MSL2: variants seen among roughly 807,000 people sequenced by gnomAD.
The protein encoded by MSL2 is MSL complex subunit 2, also known as E3 ubiquitin-protein ligase MSL2.
A neutral mutation model predicts 35.8 loss-of-function variants in MSL2; 2 were observed. The observed-to-expected ratio is 0.06, with a 90% confidence interval of 0.02 to 0.18. MSL2 has a LOEUF of 0.18. Ranked by LOEUF, MSL2 falls within the 10% of genes least tolerant of loss-of-function variation. MSL2 has a pLI of 1.00. For synonymous variants in MSL2, 296 were observed against 255.7 expected (o/e 1.16, Z -1.50); for missense variants, 523 against 706.7 (o/e 0.74, Z 2.95).
intron 1 of MSL2, among the ~76,000 whole-genome samples, chr3:136,187,765 C>T (rs892476973): frequency 6.6e-6 from 1 of 151,840 alleles, no homozygotes; most frequent in Non-Finnish European, 1.5e-5. Context: ...TTTTCAAATG[C>T]TTATAACACT....
chr3:136,190,213 C>T (rs1940647721), intron 1 of MSL2, among the ~76,000 whole-genome samples: 1 of 152,146 alleles, frequency 6.6e-6, no homozygotes, highest in Admixed American at 6.6e-5. Context: ...TATATATGGG[C>T]CTGTGCCATG....
rs368281702 is a variant in MSL2 at position 136,168,425 on chromosome 3, G to C, written c.143-15687C>G. Among the ~76,000 whole-genome samples the C allele has an allele frequency of 3.3e-5, 5 of 152,182 alleles. No homozygotes were observed. The East Asian group carries it at 7.7e-4, about 23-fold the overall frequency. Reference sequence around the variant, plus strand: ...GCACACATAAACCATGGAATACTACGCAGCCATAAAAAACGATGAGTTCAT... The same window carrying C: ...GCACACATAAACCATGGAATACTACCCAGCCATAAAAAACGATGAGTTCAT... On this transcript the variant is annotated intron_variant, in intron 1 of 1. Coordinates refer to ENST00000309993, the MANE Select transcript of MSL2 (RefSeq NM_018133.4).
intron 1 of MSL2, among the ~76,000 whole-genome samples, chr3:136,179,541 A>C (rs1403975278): frequency 6.6e-6 from 1 of 152,212 alleles, no homozygotes; most frequent in Non-Finnish European, 1.5e-5. Context: ...GGAATCACTA[A>C]AAATACTTTT....
chr3:136,172,180 T>A (rs1195593997), intron 1 of MSL2, among the ~76,000 whole-genome samples: 2 of 152,210 alleles, frequency 1.3e-5, no homozygotes, highest in Non-Finnish European at 2.9e-5. Flanking sequence ...TCTACTTATG[T>A]CAATTTTTTC....
At chr3:136,185,368 C>T (rs968679228) in intron 1 of MSL2, among the ~76,000 whole-genome samples, 16 of 151,518 alleles carry the variant, frequency 1.1e-4, no homozygotes, top group African/African-American at 3.9e-4. Flanking sequence ...CCAACAACCT[C>T]ATCTTACAAA....
chr3:136,192,797 G>A (rs560105232), intron 1 of MSL2, among the ~76,000 whole-genome samples: 1 of 152,234 alleles, frequency 6.6e-6, no homozygotes, highest in South Asian at 2.1e-4. Flanking sequence ...CATGAAATAA[G>A]ACTGCCCATC....
chr3:136,158,039 C>T lies in MSL2; in HGVS notation c.143-5301G>A, dbSNP rs188192726. On this transcript the variant is annotated intron_variant, in intron 1 of 1. Coordinates refer to ENST00000309993, the MANE Select transcript of MSL2 (RefSeq NM_018133.4). ...AAAAGAAAATACAAACCGCCGGGAGCAGTGGCTCACGCCTGTAATCCCAAC... is the reference window on the plus strand; with the variant it reads ...AAAAGAAAATACAAACCGCCGGGAGTAGTGGCTCACGCCTGTAATCCCAAC... 2.5e-4 allele frequency among the ~76,000 whole-genome samples: 38 copies of T among 152,320 alleles called. No individual in the cohort carries two copies. In the East Asian group the frequency reaches 6.8e-3, roughly 27 times the overall value.
intron 1 of MSL2, among the ~76,000 whole-genome samples, chr3:136,161,793 T>TG (rs1440710994): frequency 6.6e-6 from 1 of 151,978 alleles, no homozygotes; most frequent in Non-Finnish European, 1.5e-5. Flanking sequence ...ACTCTAAAAT[T>TG]TAAAAATAAC....
chr3:136,193,939 T>C (rs2108101482), intron 1 of MSL2, among the ~76,000 whole-genome samples: 1 of 152,352 alleles, frequency 6.6e-6, no homozygotes, highest in Middle Eastern at 3.4e-3. Flanking sequence ...GAATGCTGGA[T>C]AAACCTCAAA....
intron 1 of MSL2, among the ~76,000 whole-genome samples, chr3:136,170,769 C>T (rs993646225): frequency 6.6e-6 from 1 of 152,078 alleles, no homozygotes; most frequent in Non-Finnish European, 1.5e-5. Context: ...TCCCAAAGTG[C>T]TGGGATTACA....
Position 136,195,357 on chromosome 3 carries a change from G to A in MSL2, c.-244C>T, listed in dbSNP as rs1940805577. ...CCAAAAATATGAGAGAGAAACCAGC[G>A]TTCGAGTTCGTCCGGAGCGACCACA... On this transcript the variant is annotated 5_prime_UTR_variant, in exon 1 of 2. In the 5' UTR this introduces an upstream ATG that the reference lacks. Transcript: ENST00000309993. 1.6e-6 allele frequency: 2 copies of A among 1,266,098 alleles called. No homozygotes were observed. The highest frequency in any genetic ancestry group is 2.0e-6 in the Non-Finnish European group (2 of 1,004,500). The allele number at this position is 1,266,098 out of a possible 1,614,324, so 78.4% of individuals were successfully genotyped here.
At chr3:136,187,510 T>C (rs967601347) in intron 1 of MSL2, among the ~76,000 whole-genome samples, 2 of 150,792 alleles carry the variant, frequency 1.3e-5, no homozygotes, top group African/African-American at 4.9e-5. Context: ...TAAAAATACA[T>C]GAAAAAAAAA....
intron 1 of MSL2, among the ~76,000 whole-genome samples, chr3:136,156,351 G>C (rs556507531): frequency 6.6e-6 from 1 of 152,268 alleles, no homozygotes; most frequent in East Asian, 1.9e-4. Context: ...GAAGCAAATG[G>C]GAGAGGGAGG....
chr3:136,192,391 C>T (rs944746544), intron 1 of MSL2, among the ~76,000 whole-genome samples: 3 of 152,056 alleles, frequency 2.0e-5, no homozygotes, highest in African/African-American at 7.2e-5. Context: ...GTTGGCCAGG[C>T]TGGTCTCCAA....
intron 1 of MSL2, among the ~76,000 whole-genome samples, chr3:136,184,188 C>T (rs965878885): frequency 5.1e-4 from 77 of 151,952 alleles, no homozygotes; most frequent in Non-Finnish European, 3.2e-4. Context: ...CCCAGCTACT[C>T]GGGAGGCTGA....
intron 1 of MSL2, among the ~76,000 whole-genome samples, chr3:136,158,317 A>G (rs1559958672): frequency 6.6e-6 from 1 of 151,246 alleles, no homozygotes; most frequent in Non-Finnish European, 1.5e-5. Context: ...AAAAATTAAA[A>G]TTAAAAAAAA....
At chr3:136,158,992 A>G (rs950301993) in intron 1 of MSL2, among the ~76,000 whole-genome samples, 4 of 152,218 alleles carry the variant, frequency 2.6e-5, no homozygotes, top group East Asian at 1.9e-4. Context: ...GAAGACTACC[A>G]ATATATTGTC....
intron 1 of MSL2, chr3:136,155,958 C>A (rs1939507597): frequency 6.5e-6 from 3 of 462,150 alleles, no homozygotes; most frequent in South Asian, 5.1e-5. Context: ...GCATGTACCA[C>A]TCTTATGCTT....
intron 1 of MSL2, among the ~76,000 whole-genome samples, chr3:136,156,574 TTA>T (rs1159043430): frequency 6.6e-5 from 10 of 152,202 alleles, no homozygotes; most frequent in Non-Finnish European, 1.3e-4. Flanking sequence ...GCTTAATAAA[TTA>T]TGTTTCTGGC....
Sources: gnomAD v4.1 joint callset for allele counts (sites outside exome capture counted in the v4.1 genomes callset) on GRCh38, gnomAD v4.1.1 for gene constraint, MANE v1.5 for transcripts, NCBI Gene and HGNC (gene_info 2026-07-23, HGNC 2026-07-21) for gene names.